The following PDCL2 variants were observed in gnomAD, a reference collection of about 807,000 sequenced individuals.
The protein encoded by PDCL2 is phosducin like 2.
A neutral mutation model predicts 30.3 loss-of-function variants in PDCL2; 23 were observed. That is an observed-to-expected ratio of 0.76 (90% CI 0.55 to 1.08). The LOEUF (loss-of-function observed/expected upper bound fraction) is 1.08, where lower values mean the gene tolerates loss of function less well. Among genes scored for constraint, PDCL2 ranks in the 50% least tolerant of loss-of-function variants. The pLI is 0.00. For missense variants in PDCL2, 243 were observed against 282.3 expected (o/e 0.86, Z 1.00); for synonymous variants, 68 against 86.2 (o/e 0.79, Z 1.17).
chr4:55,580,001 C>G (rs1483241864), intron 3 of PDCL2, among the ~76,000 whole-genome samples: 1 of 152,080 alleles, frequency 6.6e-6, no homozygotes, highest in African/African-American at 2.4e-5. Context: ...GCAAGCACCA[C>G]CATGCCTGGC....
intron 3 of PDCL2, among the ~76,000 whole-genome samples, chr4:55,576,206 C>T (rs1577913371): frequency 6.6e-6 from 1 of 152,070 alleles, no homozygotes; most frequent in Admixed American, 6.6e-5. Context: ...ATTCTCACAC[C>T]TAGCCTCCTG....
chr4:55,565,986 T>TG (rs1170843122), intron 4 of PDCL2, among the ~76,000 whole-genome samples: 4 of 135,408 alleles, frequency 3.0e-5, no homozygotes, highest in South Asian at 2.5e-4. Context: ...TTTTTTTTTT[T>TG]TTTTTTTTTT....
chr4:55,582,939 T>G (rs966455779), intron 1 of PDCL2, among the ~76,000 whole-genome samples: 3 of 152,168 alleles, frequency 2.0e-5, no homozygotes, highest in Admixed American at 2.0e-4. Flanking sequence ...CATGAACTCA[T>G]CCTTTTTTAT....
intron 1 of PDCL2, among the ~76,000 whole-genome samples, chr4:55,591,291 CAA>C (rs1308722520): frequency 9.4e-5 from 13 of 138,936 alleles, no homozygotes; most frequent in Admixed American, 7.2e-5. Context: ...TTTACTGTAC[CAA>C]AAAAAAAAAA....
intron 3 of PDCL2, among the ~76,000 whole-genome samples, chr4:55,580,101 C>G (rs943371538): frequency 1.3e-5 from 2 of 151,784 alleles, no homozygotes; most frequent in African/African-American, 2.4e-5. Context: ...TCTGCCTCAG[C>G]CTCCCAAAGT....
At chr4:55,564,418 C>G (rs1323065049) in intron 4 of PDCL2, among the ~76,000 whole-genome samples, 2 of 152,020 alleles carry the variant, frequency 1.3e-5, no homozygotes. Flanking sequence ...GAATTTTAAC[C>G]CCAGAAGAGC....
At chr4:55,571,828 T>C (rs1005515283) in intron 3 of PDCL2, among the ~76,000 whole-genome samples, 6 of 151,296 alleles carry the variant, frequency 4.0e-5, no homozygotes, top group Admixed American at 1.3e-4. Flanking sequence ...TGGGGACCTC[T>C]CATAGTTTTC....
chr4:55,573,901 GT>G (rs1242138615), intron 3 of PDCL2, among the ~76,000 whole-genome samples: 5 of 63,208 alleles, frequency 7.9e-5, no homozygotes, highest in Admixed American at 1.4e-4. Flanking sequence ...TTTTTTGTTT[GT>G]TTTTTTTTTT....
intron 2 of PDCL2, 81 bp downstream of exon 2, chr4:55,582,036 C>G: frequency 6.5e-7 from 1 of 1,549,808 alleles, no homozygotes; most frequent in Non-Finnish European, 8.8e-7. Context: ...TGTCCTCTCT[C>G]CCACTATGTT....
At position 55,562,329 on chromosome 4, in the gene PDCL2, G is replaced by A. The variant is rs934100860; in HGVS notation, c.571+75C>T. 3.1e-5 allele frequency: 32 copies of A among 1,041,182 alleles called. No individual in the cohort carries two copies. In the African/African-American group the frequency reaches 5.1e-4, roughly 17 times the overall value. The allele number at this position is 1,041,182 out of a possible 1,614,324, so 64.5% of individuals were successfully genotyped here. A position where few individuals can be genotyped will look rare whatever the true frequency, so the allele number is the denominator to read the frequency against. On this transcript the variant is annotated intron_variant, in intron 5 of 5. Coordinates refer to ENST00000295645, the MANE Select transcript of PDCL2 (RefSeq NM_152401.3). ...AGGAAAAAACCTTGGTACTAAGGAA[G>A]TAAGCTTTCAGGATGCTTGTTAGTT...
chr4:55,557,401 A>C (rs1731999474), intron 5 of PDCL2, among the ~76,000 whole-genome samples: 1 of 152,164 alleles, frequency 6.6e-6, no homozygotes, highest in Non-Finnish European at 1.5e-5. Context: ...GGCAGAATTC[A>C]AGTGAGTTAG....
chr4:55,579,239 A>G (rs554125411), intron 3 of PDCL2, among the ~76,000 whole-genome samples: 1 of 151,696 alleles, frequency 6.6e-6, no homozygotes, highest in East Asian at 1.9e-4. Context: ...TATTCATATT[A>G]TACTTTCCTA....
At chr4:55,562,984 C>T (rs1288758919) in intron 4 of PDCL2, among the ~76,000 whole-genome samples, 2 of 151,748 alleles carry the variant, frequency 1.3e-5, no homozygotes, top group Admixed American at 6.6e-5. Flanking sequence ...AGGATCCCAA[C>T]CCTTGCTGCC....
At chr4:55,563,494 A>G (rs568979967) in intron 4 of PDCL2, among the ~76,000 whole-genome samples, 1 of 152,356 alleles carries the variant, frequency 6.6e-6, no homozygotes, top group Non-Finnish European at 1.5e-5. Context: ...CAGCCTGGCC[A>G]ACATGGTGAA....
intron 3 of PDCL2, among the ~76,000 whole-genome samples, chr4:55,574,429 C>A (rs1285063369): frequency 1.3e-5 from 2 of 152,194 alleles, no homozygotes; most frequent in Non-Finnish European, 2.9e-5. Context: ...TTCAATGACT[C>A]ACCCCTAAAA....
intron 2 of PDCL2, 55 bp from the exon 3 acceptor site, chr4:55,580,966 C>G: frequency 7.6e-7 from 1 of 1,312,326 alleles, no homozygotes; most frequent in Non-Finnish European, 1.0e-6. Context: ...TTTTACTATA[C>G]AGTCAATGTC....
chr4:55,564,334 G>A (rs978709266), intron 4 of PDCL2, among the ~76,000 whole-genome samples: 6 of 152,156 alleles, frequency 3.9e-5, no homozygotes, highest in Admixed American at 2.0e-4. Context: ...GTGATGCAGG[G>A]AGAAAGGGTT....
intron 1 of PDCL2, among the ~76,000 whole-genome samples, chr4:55,584,134 T>A (rs1367465288): frequency 1.3e-5 from 2 of 152,256 alleles, no homozygotes; most frequent in African/African-American, 4.8e-5. Context: ...TTGGTTAAAT[T>A]TATTCCTAAG....
intron 3 of PDCL2, among the ~76,000 whole-genome samples, chr4:55,574,508 C>A (rs976565615): frequency 3.3e-5 from 5 of 152,148 alleles, no homozygotes; most frequent in Admixed American, 6.5e-5. Flanking sequence ...GATTATGTAG[C>A]CCCTAATGAA....
Sources: gnomAD v4.1 joint callset for allele counts (sites outside exome capture counted in the v4.1 genomes callset) on GRCh38, gnomAD v4.1.1 for gene constraint, MANE v1.5 for transcripts, NCBI Gene and HGNC (gene_info 2026-07-23, HGNC 2026-07-21) for gene names.